FAM217A: variants seen among roughly 807,000 people sequenced by gnomAD.
FAM217A encodes family with sequence similarity 217 member A.
A neutral mutation model predicts 18.5 loss-of-function variants in FAM217A; 13 were observed. That is an observed-to-expected ratio of 0.70 (90% CI 0.46 to 1.12). The LOEUF is 1.12. FAM217A is among the 50% of genes most tolerant of loss of function. The probability of loss-of-function intolerance (pLI) is 0.00; values close to 1 mark genes in which losing one functional copy is unlikely to be tolerated. For synonymous variants in FAM217A, 161 were observed against 202.8 expected (o/e 0.79, Z 1.75); for missense variants, 560 against 575.4 (o/e 0.97, Z 0.27).
chr6:4,073,216 CAT>C lies in FAM217A; in HGVS notation c.302+57_302+58del, dbSNP rs1040733841. The C allele has an allele frequency of 6.9e-5, 87 of 1,263,594 alleles. No homozygotes were observed. In the African/African-American group the frequency reaches 1.0e-3, roughly 15 times the overall value. 78.3% of individuals were successfully genotyped at this position (1,263,594 alleles called of 1,614,324 possible). On this transcript the variant is annotated intron_variant, in intron 6 of 6. Coordinates refer to ENST00000274673, the MANE Select transcript of FAM217A (RefSeq NM_173563.3). ...GTCCTTGTATTTCAAATAGTTATCT[CAT>C]GTGTATCTAAATTTATTTCAGTAAT...
intron 2 of FAM217A, 45 bp downstream of exon 2, chr6:4,077,310 A>C (rs1276225322): frequency 6.2e-7 from 1 of 1,602,694 alleles, no homozygotes; most frequent in Non-Finnish European, 8.5e-7. Flanking sequence ...TGTTAGCAAC[A>C]GGAGCCGCTG....
chr6:4,079,805 C>T (rs1438954725), upstream of FAM217A: 2 of 446,144 alleles, frequency 4.5e-6, no homozygotes. Context: ...CTCATCCGGT[C>T]AGTTTCAGGT....
At position 4,078,953 on chromosome 6, in the gene FAM217A, C is replaced by A; in HGVS notation, c.-136G>T. Reference sequence around the variant, plus strand: ...TGGCTGACGGCTTGGAGGGCGCCCCCTCTGCCGCGGCCTTCCTGCAGCGGG... The same window carrying A: ...TGGCTGACGGCTTGGAGGGCGCCCCATCTGCCGCGGCCTTCCTGCAGCGGG... On this transcript the variant is annotated 5_prime_UTR_variant, in exon 1 of 7. The change creates a new upstream start codon in the 5' untranslated region. Coordinates refer to ENST00000274673, the MANE Select transcript of FAM217A (RefSeq NM_173563.3). 1.8e-6 allele frequency: 1 copy of A among 545,268 alleles called. No individual in the cohort carries two copies. The highest frequency in any genetic ancestry group is 3.2e-6 in the Non-Finnish European group (1 of 308,732). 33.8% of individuals were successfully genotyped at this position (545,268 alleles called of 1,614,324 possible). A position where few individuals can be genotyped will look rare whatever the true frequency, so the allele number is the denominator to read the frequency against.
At chr6:4,072,708 G>C (rs1769510623) in intron 6 of FAM217A, among the ~76,000 whole-genome samples, 1 of 151,562 alleles carries the variant, frequency 6.6e-6, no homozygotes, top group Non-Finnish European at 1.5e-5. Context: ...GTTGTGATGA[G>C]CTGAGATTGC....
Position 4,069,863 on chromosome 6 carries a change from C to A in FAM217A, c.360G>T (p.Arg120Ser), listed in dbSNP as rs376333841. 10 of 1,609,216 alleles carry A rather than the reference C, an allele frequency of 6.2e-6. No homozygotes were observed. In the African/African-American group the frequency reaches 1.2e-4, roughly 19 times the overall value. ...TTAATGGGTGGTTCAGAGTGAAGACCCTTATAGGATGATTGATTACATTAA... is the reference window on the plus strand; with the variant it reads ...TTAATGGGTGGTTCAGAGTGAAGACACTTATAGGATGATTGATTACATTAA... ...TGFNVINHPI[R>S]VFTLNHPLTI... Residue 120 changes from arginine (R) to serine (S), a missense_variant, in exon 7 of 7, where the codon AGG (arginine) becomes AGT (serine). By Grantham distance (110) the Arg-to-Ser change is moderately radical. Transcript: ENST00000274673.
chr6:4,074,519 C>T, intron 3 of FAM217A, 58 bp downstream of exon 3: 1 of 1,578,292 alleles, frequency 6.3e-7, no homozygotes, highest in South Asian at 1.1e-5. Flanking sequence ...TCAAAACAAA[C>T]CCCCTTTTAA....
exon 2 of FAM217A, chr6:4,084,783 G>A: frequency 1.4e-6 from 1 of 703,022 alleles, no homozygotes; most frequent in Non-Finnish European, 2.6e-6. Flanking sequence ...GGGGGAAGAA[G>A]AAGGTATTCA....
intron 4 of FAM217A, among the ~76,000 whole-genome samples, chr6:4,073,940 G>T (rs1353709396): frequency 1.3e-5 from 2 of 152,066 alleles, no homozygotes; most frequent in African/African-American, 4.8e-5. Context: ...TCTGTTTCCC[G>T]GGCTCAAGCG....
upstream of FAM217A, among the ~76,000 whole-genome samples, chr6:4,082,987 C>T (rs967646927): frequency 7.9e-5 from 12 of 152,216 alleles, no homozygotes; most frequent in Non-Finnish European, 1.6e-4. Flanking sequence ...GGCCCCTACA[C>T]CTCCAGCCAT....
chr6:4,068,541 T>G lies in FAM217A; in HGVS notation c.*155A>C, dbSNP rs1769175524. The G allele has an allele frequency of 2.5e-5, 18 of 719,834 alleles. No homozygotes were observed. In the South Asian group the frequency reaches 3.9e-4, roughly 16 times the overall value. The allele number at this position is 719,834 out of a possible 1,614,324, so 44.6% of individuals were successfully genotyped here. A position where few individuals can be genotyped will look rare whatever the true frequency, so the allele number is the denominator to read the frequency against. ...GGTTTATATATAGACATCTCAGCAG[T>G]GCTTTTCACAAGTTCTACTCCATAT... On this transcript the variant is annotated 3_prime_UTR_variant, in exon 7 of 7. Transcript: ENST00000274673.
intron 1 of FAM217A, among the ~76,000 whole-genome samples, chr6:4,085,101 G>A (rs1770558208): frequency 6.6e-6 from 1 of 152,098 alleles, no homozygotes; most frequent in South Asian, 2.1e-4. Context: ...AATACACAAT[G>A]AAAGCATTTG....
chr6:4,073,380 T>C (rs751641617), intron 5 of FAM217A, 38 bp from the exon 6 acceptor site: 1 of 1,587,536 alleles, frequency 6.3e-7, no homozygotes, highest in East Asian at 2.2e-5. Context: ...GTTTAGTAGC[T>C]GCATATATTT....
At chr6:4,077,271 C>T in intron 2 of FAM217A, 84 bp downstream of exon 2, 1 of 1,358,288 alleles carries the variant, frequency 7.4e-7, no homozygotes, top group Non-Finnish European at 1.0e-6. Context: ...GCAAGGGCAT[C>T]ACTACAAGAA....
At chr6:4,078,826 C>T in intron 1 of FAM217A, 26 bp downstream of exon 1, 1 of 448,788 alleles carries the variant, frequency 2.2e-6, no homozygotes. Context: ...CTGCGGGATT[C>T]CCCGGGGCCG....
intron 2 of FAM217A, 52 bp from the exon 3 acceptor site, chr6:4,074,713 G>GCT: frequency 1.5e-6 from 2 of 1,353,388 alleles, no homozygotes; most frequent in Non-Finnish European, 2.1e-6. Flanking sequence ...AACATAAAAA[G>GCT]CTCAATAATT....
chr6:4,080,297 A>G (rs181980349), upstream of FAM217A, among the ~76,000 whole-genome samples: 225 of 152,140 alleles, frequency 1.5e-3, 1 homozygote, highest in African/African-American at 5.2e-3. Flanking sequence ...ACTCTATTTC[A>G]TGACACCCCG....
chr6:4,083,155 C>G (rs662834), upstream of FAM217A, among the ~76,000 whole-genome samples: 28,946 of 152,088 alleles, frequency 0.19, 2,915 homozygotes, highest in East Asian at 0.37. Context: ...CAAGCTCTTA[C>G]GTTAATTACA....
Position 4,077,375 on chromosome 6 carries a change from C to G in FAM217A, c.40G>C (p.Val14Leu). The G allele has an allele frequency of 6.2e-7, 1 of 1,614,200 alleles. No homozygotes were observed. The highest frequency in any genetic ancestry group is 1.1e-5 in the South Asian group (1 of 91,080). Residue 14 changes from valine (V) to leucine (L), a missense_variant, in exon 2 of 7, where the codon GTG becomes CTG. Coordinates refer to ENST00000274673, the MANE Select transcript of FAM217A (RefSeq NM_173563.3). ...RNENCANSLRVSNISQENLSH... is the reference protein window; with the variant it reads ...RNENCANSLRLSNISQENLSH... ...CATACCTCCTGAGAGATGTTTGACA[C>G]ACGTAGGCTGTTAGCACAGTTCTCA...
chr6:4,071,560 C>T (rs1049918791), intron 6 of FAM217A, among the ~76,000 whole-genome samples: 1 of 152,124 alleles, frequency 6.6e-6, no homozygotes, highest in Non-Finnish European at 1.5e-5. Flanking sequence ...ACTCCTATGC[C>T]CCAGGTCCTA....
Sources: gnomAD v4.1 joint callset for allele counts (sites outside exome capture counted in the v4.1 genomes callset) on GRCh38, gnomAD v4.1.1 for gene constraint, MANE v1.5 for transcripts, NCBI Gene and HGNC (gene_info 2026-07-23, HGNC 2026-07-21) for gene names.